The following WDR49 variants were observed in gnomAD, a reference collection of about 807,000 sequenced individuals.
WDR49 encodes the protein cilia- and flagella-associated protein 337.
A neutral mutation model predicts 119.5 loss-of-function variants in WDR49; 107 were observed. The observed-to-expected ratio is 0.90, with a 90% confidence interval of 0.77 to 1.05. The LOEUF (loss-of-function observed/expected upper bound fraction) is 1.05. Ranked by LOEUF, WDR49 falls within the 50% of genes least tolerant of loss-of-function variation. The probability of loss-of-function intolerance (pLI) is 0.00; values close to 1 mark genes in which losing one functional copy is unlikely to be tolerated. For missense variants in WDR49, 1,240 were observed against 1,220.5 expected, an observed-to-expected ratio of 1.02 and a Z score of -0.24; for synonymous variants, 425 against 418.8, an observed-to-expected ratio of 1.01 and a Z score of -0.18.
intron 7 of WDR49, among the ~76,000 whole-genome samples, chr3:167,594,661 T>G (rs1339368241): frequency 6.6e-6 from 1 of 152,156 alleles, no homozygotes; most frequent in Non-Finnish European, 1.5e-5. Flanking sequence ...TTGACAAAAT[T>G]CAACAACCCT....
At chr3:167,623,481 T>G (rs1320846953) in intron 3 of WDR49, among the ~76,000 whole-genome samples, 1 of 151,866 alleles carries the variant, frequency 6.6e-6, no homozygotes, top group African/African-American at 2.4e-5. Context: ...TTTGACAAAA[T>G]CCAACACATT....
At chr3:167,610,667 C>A (rs1306418066) in intron 5 of WDR49, among the ~76,000 whole-genome samples, 1 of 152,216 alleles carries the variant, frequency 6.6e-6, no homozygotes, top group Non-Finnish European at 1.5e-5. Flanking sequence ...TGGCTGATTG[C>A]AGAGCCCCAG....
At chr3:167,644,366 C>T (rs184443345) in intron 2 of WDR49, among the ~76,000 whole-genome samples, 124 of 152,208 alleles carry the variant, frequency 8.1e-4, no homozygotes, top group Middle Eastern at 3.4e-3. Context: ...TTTGCTATAA[C>T]TTGCCCCACT....
At chr3:167,592,034 T>G (rs1715140982) in intron 7 of WDR49, among the ~76,000 whole-genome samples, 1 of 152,188 alleles carries the variant, frequency 6.6e-6, no homozygotes, top group South Asian at 2.1e-4. Context: ...ATGATTTAGT[T>G]TCTTGCTTTG....
rs376457655 is a variant in WDR49 at position 167,583,730 on chromosome 3, G to A, written c.1276-7579C>T. On this transcript the variant is annotated intron_variant, in intron 7 of 18. Transcript: ENST00000682715. ...CCAATAGCAAGGTACAGCCATTGAG[G>A]TGAGACTGTTAAACTGGACAACTGA... Among the ~76,000 whole-genome samples the A allele has an allele frequency of 2.6e-5, 4 of 152,138 alleles. No individual in the cohort carries two copies. The East Asian group carries it at 7.7e-4, about 29-fold the overall frequency.
intron 7 of WDR49, among the ~76,000 whole-genome samples, chr3:167,595,018 A>T (rs1203291957): frequency 2.7e-5 from 4 of 150,148 alleles, no homozygotes; most frequent in East Asian, 3.9e-4. Flanking sequence ...ACTTCAGCAA[A>T]GTCTCAGGAT....
At chr3:167,597,451 G>A (rs186024753) in intron 7 of WDR49, among the ~76,000 whole-genome samples, 13 of 152,284 alleles carry the variant, frequency 8.5e-5, no homozygotes, top group African/African-American at 3.1e-4. Context: ...GGGAAATGTG[G>A]GGTTAGAGCT....
chr3:167,566,769 AG>A (rs1202050557), intron 8 of WDR49: 1 of 571,214 alleles, frequency 1.8e-6, no homozygotes, highest in Non-Finnish European at 3.1e-6. Context: ...CTTACAACAA[AG>A]TAAGCTAGAG....
chr3:167,575,152 T>A (rs186566187), intron 8 of WDR49: 2 of 985,386 alleles, frequency 2.0e-6, no homozygotes, highest in African/African-American at 1.7e-5. Context: ...CCTGCTGTGC[T>A]GTTACCATCA....
intron 10 of WDR49, among the ~76,000 whole-genome samples, chr3:167,549,003 A>C (rs62277772): frequency 0.28 from 42,608 of 151,956 alleles, 6,130 homozygotes; most frequent in South Asian, 0.32. Context: ...TCATCCATGT[A>C]CCTACAAAGG....
chr3:167,619,119 G>T (rs1399923456), intron 5 of WDR49, among the ~76,000 whole-genome samples: 1 of 152,074 alleles, frequency 6.6e-6, no homozygotes, highest in Non-Finnish European at 1.5e-5. Flanking sequence ...ATTATTTAAA[G>T]GTTATGGACT....
At chr3:167,566,896 TGAG>T (rs571151216) in intron 8 of WDR49, 33 of 674,214 alleles carry the variant, frequency 4.9e-5, no homozygotes, top group Non-Finnish European at 8.1e-5. Flanking sequence ...TTGAGAAGGC[TGAG>T]GAGGAGGAAA....
chr3:167,593,080 T>C (rs1441221548), intron 7 of WDR49, among the ~76,000 whole-genome samples: 2 of 152,124 alleles, frequency 1.3e-5, no homozygotes, highest in African/African-American at 4.8e-5. Flanking sequence ...CTCAAGTTAG[T>C]ATTCTTTGGG....
At chr3:167,482,693 A>T (rs1750767443) in intron 18 of WDR49, among the ~76,000 whole-genome samples, 1 of 151,442 alleles carries the variant, frequency 6.6e-6, no homozygotes, top group South Asian at 2.1e-4. Flanking sequence ...AAAAAAAAAA[A>T]GCTAAACTGA....
At chr3:167,595,157 A>G (rs1198795616) in intron 7 of WDR49, among the ~76,000 whole-genome samples, 1 of 152,204 alleles carries the variant, frequency 6.6e-6, no homozygotes, top group Non-Finnish European at 1.5e-5. Context: ...AATCTAACTT[A>G]CAAGGGATGT....
At chr3:167,648,262 C>T (rs1483967640) in intron 2 of WDR49, among the ~76,000 whole-genome samples, 1 of 152,166 alleles carries the variant, frequency 6.6e-6, no homozygotes. Flanking sequence ...TCTTACTATA[C>T]TTGAAAGGTA....
intron 18 of WDR49, among the ~76,000 whole-genome samples, chr3:167,492,925 A>C (rs930024308): frequency 6.6e-6 from 1 of 152,002 alleles, no homozygotes; most frequent in African/African-American, 2.4e-5. Context: ...GTGGAGAACA[A>C]GCATGGAGAG....
chr3:167,524,711 G>A (rs1374464825), intron 15 of WDR49, among the ~76,000 whole-genome samples: 1 of 152,120 alleles, frequency 6.6e-6, no homozygotes, highest in Admixed American at 6.5e-5. Context: ...AGATCAGATG[G>A]TTGTAGGTGT....
chr3:167,493,583 C>G (rs1482290715), intron 18 of WDR49, among the ~76,000 whole-genome samples: 1 of 152,162 alleles, frequency 6.6e-6, no homozygotes, highest in Non-Finnish European at 1.5e-5. Context: ...CAATATATCT[C>G]AGGCATGAGA....
Sources: allele counts gnomAD v4.1 joint callset (sites outside exome capture counted in the v4.1 genomes callset), GRCh38; gene constraint gnomAD v4.1.1; transcripts MANE v1.5; gene names NCBI Gene and HGNC (gene_info 2026-07-23, HGNC 2026-07-21).